Variants in TMEM171 observed in about 807,000 individuals in gnomAD.
TMEM171 encodes the protein proline-rich protein PRP2.
In TMEM171, 16 loss-of-function variants were observed where a neutral mutation model predicts 19.1. That is an observed-to-expected ratio of 0.84 (90% CI 0.57 to 1.27). TMEM171 has a LOEUF of 1.27. TMEM171 is among the 50% of genes most tolerant of loss of function. TMEM171 has a pLI of 0.00. For missense variants in TMEM171, 429 were observed against 412.7 expected (o/e 1.04, Z -0.34); for synonymous variants, 153 against 163.4 (o/e 0.94, Z 0.48).
chr5:73,127,403 A>G (rs1475984027), intron 2 of TMEM171, among the ~76,000 whole-genome samples: 3 of 137,558 alleles, frequency 2.2e-5, no homozygotes, highest in African/African-American at 8.3e-5. Flanking sequence ...ATATATATAT[A>G]TATAAAGCAT....
Position 73,123,693 on chromosome 5 carries a change from G to A in TMEM171, c.320G>A (p.Arg107His), listed in dbSNP as rs1479412339. 1.1e-5 allele frequency: 17 copies of A among 1,614,092 alleles called. No homozygotes were observed. Among genetic ancestry groups the A allele is most frequent in the East Asian group, 2.2e-5 (1 of 44,898 alleles). ...PDRAFICGES[R>H]QFAQCLIFGF... The stretch of plus-strand genomic sequence containing the variant: ...CGAGCCTTCATCTGTGGAGAGAGCC[G>A]CCAGTTTGCCCAGTGCCTTATCTTT... The change falls in exon 2 of 4, where the codon CGC (arginine) becomes CAC (histidine). Residue 107 changes from arginine to histidine, a missense_variant. Arg to His is a conservative substitution (Grantham distance 29, BLOSUM62 0). Transcript: ENST00000454765.
rs181532897 is a variant in TMEM171 at position 73,127,691 on chromosome 5, C to T, written c.641-699C>T. Among the ~76,000 whole-genome samples, 1,297 of 149,910 alleles carry T rather than the reference C, an allele frequency of 8.7e-3. 56 individuals carry two copies. Among genetic ancestry groups the T allele is most frequent in the Admixed American group, 0.075 (1,131 of 15,028 alleles). On this transcript the variant is annotated intron_variant, in intron 2 of 3. Transcript: ENST00000454765. ...AACTCCTGACCTCAAGTGATCCACCCGCTTCGGCCTTCCAAAATGCTGGGA... is the reference window on the plus strand; with the variant it reads ...AACTCCTGACCTCAAGTGATCCACCTGCTTCGGCCTTCCAAAATGCTGGGA...
intron 2 of TMEM171, among the ~76,000 whole-genome samples, chr5:73,124,389 C>G (rs1744107439): frequency 6.6e-6 from 1 of 152,224 alleles, no homozygotes; most frequent in Admixed American, 6.5e-5. Context: ...CCCTGTTATT[C>G]TCACACCAAA....
chr5:73,131,471 A>G, intron 3 of TMEM171, 67 bp from the exon 4 acceptor site: 5 of 1,297,162 alleles, frequency 3.9e-6, no homozygotes, highest in Non-Finnish European at 5.2e-6. Flanking sequence ...TTTGAAAAGA[A>G]CCTAGTACTA....
chr5:73,125,888 A>G (rs1744149789), intron 2 of TMEM171, among the ~76,000 whole-genome samples: 1 of 152,220 alleles, frequency 6.6e-6, no homozygotes, highest in South Asian at 2.1e-4. Flanking sequence ...ATTGTGGAAT[A>G]GGGTTTACAT....
At chr5:73,131,409 G>C in intron 3 of TMEM171, 129 bp from the exon 4 acceptor site, 1 of 625,024 alleles carries the variant, frequency 1.6e-6, no homozygotes, top group Non-Finnish European at 2.5e-6. Context: ...GAGTGAGGGA[G>C]AAATTACTCC....
At chr5:73,129,332 A>C (rs1405569330) in intron 3 of TMEM171, among the ~76,000 whole-genome samples, 3 of 152,214 alleles carry the variant, frequency 2.0e-5, no homozygotes, top group Non-Finnish European at 4.4e-5. Flanking sequence ...GCAGCCAATC[A>C]GAGGCTGAAG....
intron 2 of TMEM171, among the ~76,000 whole-genome samples, chr5:73,125,364 C>T (rs1431865360): frequency 6.6e-6 from 1 of 152,108 alleles, no homozygotes; most frequent in African/African-American, 2.4e-5. Context: ...GGGCAGATAA[C>T]GTTAGTACCT....
At chr5:73,126,612 T>G (rs942511444) in intron 2 of TMEM171, among the ~76,000 whole-genome samples, 1 of 152,204 alleles carries the variant, frequency 6.6e-6, no homozygotes, top group African/African-American at 2.4e-5. Context: ...CATCTAGTCC[T>G]TCCTTCTATC....
At position 73,123,564 on chromosome 5, in the gene TMEM171, C is replaced by T. The variant is rs1744064535; in HGVS notation, c.191C>T (p.Pro64Leu). Residue 64 changes from proline (P) to leucine (L), a missense_variant, in exon 2 of 4, where the codon CCT becomes CTT. Physicochemically the swap from Pro to Leu is moderately conservative, Grantham distance 98 (BLOSUM62 -3). Coordinates refer to ENST00000454765, the MANE Select transcript of TMEM171 (RefSeq NM_173490.8). ...CCCATGGTGCTCAAGGTGGCGGGGC[C>T]TGCATGTGCCGTGGTTGGGCTTGGG... ...DCPMVLKVAG[P>L]ACAVVGLGAV... 6.2e-7 allele frequency: 1 copy of T among 1,614,238 alleles called. No individual in the cohort carries two copies. The highest frequency in any genetic ancestry group is 1.6e-4 in the Middle Eastern group (1 of 6,062).
chr5:73,128,010 G>C (rs1033537521), intron 2 of TMEM171, among the ~76,000 whole-genome samples: 4 of 152,128 alleles, frequency 2.6e-5, no homozygotes, highest in African/African-American at 9.7e-5. Context: ...TTCCCGAAGT[G>C]GTGGGATTAT....
intron 3 of TMEM171, among the ~76,000 whole-genome samples, chr5:73,130,994 A>T (rs940816360): frequency 6.6e-6 from 1 of 152,150 alleles, no homozygotes; most frequent in Non-Finnish European, 1.5e-5. Flanking sequence ...TCATTTCAAG[A>T]TAAGGAAACT....
intron 2 of TMEM171, among the ~76,000 whole-genome samples, chr5:73,126,265 C>T (rs1744161744): frequency 6.6e-6 from 1 of 152,208 alleles, no homozygotes; most frequent in African/African-American, 2.4e-5. Flanking sequence ...ACCCCAATTC[C>T]TCTAACCTAC....
chr5:73,129,304 T>A (rs1744270236), intron 3 of TMEM171, among the ~76,000 whole-genome samples: 1 of 152,092 alleles, frequency 6.6e-6, no homozygotes, highest in African/African-American at 2.4e-5. Flanking sequence ...CCACAATCCG[T>A]CTGATTGGTT....
At chr5:73,125,704 T>G (rs1401454798) in intron 2 of TMEM171, among the ~76,000 whole-genome samples, 1 of 152,178 alleles carries the variant, frequency 6.6e-6, no homozygotes, top group Non-Finnish European at 1.5e-5. Context: ...GAGGGGAGTT[T>G]TGGGGCCCAG....
At chr5:73,121,437 A>G (rs1370585737) in intron 1 of TMEM171, among the ~76,000 whole-genome samples, 4 of 152,056 alleles carry the variant, frequency 2.6e-5, no homozygotes, top group Non-Finnish European at 5.9e-5. Context: ...AGGTTTCAGG[A>G]CTCTCCATCG....
At chr5:73,127,880 G>A (rs927535983) in intron 2 of TMEM171, among the ~76,000 whole-genome samples, 3 of 151,644 alleles carry the variant, frequency 2.0e-5, no homozygotes, top group African/African-American at 7.3e-5. Context: ...AGCTGGGACT[G>A]CAGGCGTGTA....
intron 2 of TMEM171, among the ~76,000 whole-genome samples, chr5:73,124,239 C>T (rs1174054704): frequency 2.0e-5 from 3 of 152,218 alleles, no homozygotes; most frequent in African/African-American, 4.8e-5. Flanking sequence ...GCAACTCTTT[C>T]CTACTTTGCA....
At chr5:73,124,204 C>A (rs548098677) in intron 2 of TMEM171, among the ~76,000 whole-genome samples, 191 bp downstream of exon 2, 8 of 152,312 alleles carry the variant, frequency 5.3e-5, no homozygotes, top group South Asian at 2.1e-4. Context: ...CCCGTAGGAA[C>A]CTTGTATACA....
Sources: gnomAD v4.1 joint callset for allele counts (sites outside exome capture counted in the v4.1 genomes callset) on GRCh38, gnomAD v4.1.1 for gene constraint, MANE v1.5 for transcripts, NCBI Gene and HGNC (gene_info 2026-07-23, HGNC 2026-07-21) for gene names.